Variants in EYA1 observed in about 807,000 individuals in gnomAD.
EYA1 encodes protein phosphatase EYA1.
A neutral mutation model predicts 82.0 loss-of-function variants in EYA1; 16 were observed. The observed-to-expected ratio is 0.20, with a 90% CI of 0.13 to 0.30. The LOEUF (loss-of-function observed/expected upper bound fraction) is 0.30. Among genes scored for constraint, EYA1 ranks in the 10% least tolerant of loss-of-function variants. The pLI, the probability that EYA1 is intolerant of heterozygous loss-of-function variation, is 1.00. For missense variants in EYA1, 633 were observed against 730.7 expected, an observed-to-expected ratio of 0.87 and a Z score of 1.54; for synonymous variants, 261 against 264.4, an observed-to-expected ratio of 0.99 and a Z score of 0.12.
intron 2 of EYA1, among the ~76,000 whole-genome samples, chr8:71,483,272 T>C (rs903467731): frequency 4.6e-5 from 7 of 152,148 alleles, no homozygotes; most frequent in African/African-American, 1.4e-4. Flanking sequence ...CCTCCCTCTC[T>C]CAGCTCCTCA....
chr8:71,374,966 T>C (rs566390084), intron 2 of EYA1, among the ~76,000 whole-genome samples: 1 of 152,230 alleles, frequency 6.6e-6, no homozygotes, highest in Admixed American at 6.5e-5. Flanking sequence ...AGAAAGAGTA[T>C]AATGTGGTTA....
chr8:71,322,980 C>T (rs1415308301), intron 4 of EYA1, among the ~76,000 whole-genome samples: 1 of 152,070 alleles, frequency 6.6e-6, no homozygotes, highest in Non-Finnish European at 1.5e-5. Context: ...TCAAGCAGAA[C>T]TTTACTTCTT....
At chr8:71,503,242 T>G (rs1310496704) in intron 2 of EYA1, among the ~76,000 whole-genome samples, 1 of 152,132 alleles carries the variant, frequency 6.6e-6, no homozygotes, top group African/African-American at 2.4e-5. Context: ...ATGCCTGTAA[T>G]CCAGGCACTT....
At chr8:71,262,502 T>A (rs1413279063) in intron 11 of EYA1, among the ~76,000 whole-genome samples, 1 of 152,166 alleles carries the variant, frequency 6.6e-6, no homozygotes, top group Non-Finnish European at 1.5e-5. Flanking sequence ...TTCACATTGT[T>A]CCCCTAACAG....
intron 17 of EYA1, among the ~76,000 whole-genome samples, chr8:71,206,197 T>C (rs150901826): frequency 6.6e-6 from 1 of 151,896 alleles, no homozygotes; most frequent in African/African-American, 2.4e-5. Flanking sequence ...ATTTAAGATA[T>C]ATAAATGTAG....
intron 9 of EYA1, among the ~76,000 whole-genome samples, chr8:71,294,319 C>T (rs1363051430): frequency 6.6e-6 from 1 of 151,940 alleles, no homozygotes; most frequent in Non-Finnish European, 1.5e-5. Flanking sequence ...ATTAGCCGGG[C>T]GTGGTAGCGG....
chr8:71,427,266 T>C (rs1161621745), intron 2 of EYA1, among the ~76,000 whole-genome samples: 1 of 152,232 alleles, frequency 6.6e-6, no homozygotes, highest in African/African-American at 2.4e-5. Context: ...CCTGCTTAGC[T>C]GCATCAGCTT....
chr8:71,483,819 T>C (rs565483372), intron 2 of EYA1, among the ~76,000 whole-genome samples: 39 of 152,254 alleles, frequency 2.6e-4, no homozygotes, highest in Non-Finnish European at 1.5e-5. Flanking sequence ...TATGGAAACT[T>C]TTCCTTCCGG....
intron 7 of EYA1, among the ~76,000 whole-genome samples, chr8:71,303,773 ACTCT>A (rs1246940840): frequency 7.0e-6 from 1 of 142,522 alleles, no homozygotes; most frequent in African/African-American, 2.5e-5. Context: ...CCCATTGAGT[ACTCT>A]CTCTATGTTA....
Position 71,487,085 on chromosome 8 carries a change from A to G in EYA1, c.33+48659T>C, listed in dbSNP as rs948876822. 3.3e-5 allele frequency among the ~76,000 whole-genome samples: 5 copies of G among 150,786 alleles called. No homozygotes were observed. In the Admixed American group the frequency reaches 3.3e-4, roughly 10 times the overall value. ...TGTCAATGATAACCACATTTTCCCA[A>G]TCTCTTCTGTTCAAAAACAAAGAGG... On this transcript the variant is annotated intron_variant, in intron 2 of 18. Coordinates refer to the EYA1 transcript ENST00000643681.
At chr8:71,471,450 T>C (rs964865597) in intron 2 of EYA1, among the ~76,000 whole-genome samples, 1 of 152,052 alleles carries the variant, frequency 6.6e-6, no homozygotes, top group African/African-American at 2.4e-5. Flanking sequence ...TTTATGTGCA[T>C]ATAGATGTAC....
chr8:71,540,769 A>G (rs1815075770), intron 1 of EYA1, among the ~76,000 whole-genome samples: 1 of 152,186 alleles, frequency 6.6e-6, no homozygotes, highest in Admixed American at 6.5e-5. Context: ...TATTTTCATT[A>G]CAACACACCA....
At chr8:71,222,009 A>G (rs955245779) in intron 12 of EYA1, among the ~76,000 whole-genome samples, 1 of 152,224 alleles carries the variant, frequency 6.6e-6, no homozygotes, top group Non-Finnish European at 1.5e-5. Context: ...CCTAGGATCA[A>G]GGTTAAACAC....
chr8:71,353,670 T>C (rs1449442162), intron 3 of EYA1, among the ~76,000 whole-genome samples: 2 of 152,194 alleles, frequency 1.3e-5, no homozygotes, highest in Non-Finnish European at 2.9e-5. Context: ...TACATAACAT[T>C]GTAAGTTTCA....
intron 12 of EYA1, among the ~76,000 whole-genome samples, chr8:71,235,557 T>A (rs561467725): frequency 6.6e-6 from 1 of 152,278 alleles, no homozygotes; most frequent in South Asian, 2.1e-4. Flanking sequence ...CCTTAGCCAA[T>A]ACTGCTTGAT....
chr8:71,533,341 A>G (rs1425273720), intron 2 of EYA1, among the ~76,000 whole-genome samples: 1 of 152,098 alleles, frequency 6.6e-6, no homozygotes, highest in Non-Finnish European at 1.5e-5. Flanking sequence ...AGGTGGGGGG[A>G]AGATGGAATG....
chr8:71,478,221 G>A (rs943345221), intron 2 of EYA1, among the ~76,000 whole-genome samples: 1 of 152,076 alleles, frequency 6.6e-6, no homozygotes, highest in Admixed American at 6.6e-5. Flanking sequence ...GGGAAATAAT[G>A]GTCAGCAACA....
chr8:71,426,696 T>C (rs1805258712), intron 2 of EYA1, among the ~76,000 whole-genome samples: 2 of 152,250 alleles, frequency 1.3e-5, no homozygotes. Context: ...TCAAAAACTA[T>C]TATAATATCA....
At chr8:71,509,805 A>C (rs1008289895) in intron 2 of EYA1, among the ~76,000 whole-genome samples, 4 of 152,116 alleles carry the variant, frequency 2.6e-5, no homozygotes, top group African/African-American at 4.8e-5. Flanking sequence ...TATGCACTTG[A>C]ATCTGCTCCA....
Sources: gnomAD v4.1 joint callset for allele counts (sites outside exome capture counted in the v4.1 genomes callset) on GRCh38, gnomAD v4.1.1 for gene constraint, MANE v1.5 for transcripts, NCBI Gene and HGNC (gene_info 2026-07-23, HGNC 2026-07-21) for gene names.